Variants in ARID1A observed in about 807,000 individuals in gnomAD.
The protein encoded by ARID1A is AT-rich interactive domain-containing protein 1A.
In ARID1A, 20 loss-of-function variants were observed where a neutral mutation model predicts 212.6. The ratio of observed to expected loss-of-function variants is 0.09; its 90% confidence interval spans 0.07 to 0.14. The LOEUF (loss-of-function observed/expected upper bound fraction) is 0.14. Among genes scored for constraint, ARID1A ranks in the 10% least tolerant of loss-of-function variants. The pLI, the probability that ARID1A is intolerant of heterozygous loss-of-function variation, is 1.00. For synonymous variants in ARID1A, 1,376 were observed against 1,222.1 expected, an observed-to-expected ratio of 1.13 and a Z score of -2.63; for missense variants, 2,587 against 3,059.0, an observed-to-expected ratio of 0.85 and a Z score of 3.64.
At chr1:26,743,250 TTCTC>T (rs372211517) in intron 4 of ARID1A, among the ~76,000 whole-genome samples, 1 of 152,170 alleles carries the variant, frequency 6.6e-6, no homozygotes, top group Non-Finnish European at 1.5e-5. Context: ...GTATACCTGT[TTCTC>T]TCTCTTTCTG....
intron 8 of ARID1A, chr1:26,765,101 G>A (rs2081026872): frequency 6.6e-6 from 1 of 152,370 alleles, no homozygotes. Context: ...ACGAGGCTGA[G>A]GCAGAATGGC....
intron 7 of ARID1A, 46 bp downstream of exon 7, chr1:26,762,365 A>G (rs779309455): frequency 1.3e-6 from 2 of 1,578,322 alleles, no homozygotes; most frequent in Non-Finnish European, 1.7e-6. Context: ...GAGAGGAGAA[A>G]ACAGTTCCTT....
chr1:26,730,170 A>G (rs1282250942), intron 2 of ARID1A, among the ~76,000 whole-genome samples: 3 of 152,216 alleles, frequency 2.0e-5, no homozygotes, highest in Non-Finnish European at 4.4e-5. Context: ...GTGGCTGAAC[A>G]TGTAGGCACT....
intron 4 of ARID1A, among the ~76,000 whole-genome samples, chr1:26,743,767 G>A (rs1308072844): frequency 6.7e-6 from 1 of 148,802 alleles, no homozygotes; most frequent in African/African-American, 2.5e-5. Flanking sequence ...GGGAGGCAGA[G>A]GATGCAGTAC....
intron 19 of ARID1A, among the ~76,000 whole-genome samples, chr1:26,776,346 T>G (rs2081135757): frequency 4.6e-5 from 7 of 151,438 alleles, no homozygotes; most frequent in Admixed American, 4.6e-4. Flanking sequence ...CTATCACAGC[T>G]CACTGCAACT....
At chr1:26,708,781 G>A (rs1342872350) in intron 1 of ARID1A, among the ~76,000 whole-genome samples, 1 of 151,246 alleles carries the variant, frequency 6.6e-6, no homozygotes, top group South Asian at 2.1e-4. Context: ...TGCAAGCTCC[G>A]TCTCCTGGGT....
In ARID1A at chr1:26,775,344, G is replaced by A. The variant is rs1003482835; in HGVS notation, c.4993+124G>A. Reference sequence around the variant, plus strand: ...CAGTGTTGACTAAAATAGAACCAAAGAACTTTGGAAAAGGAAGAAATAAGC... The same window carrying A: ...CAGTGTTGACTAAAATAGAACCAAAAAACTTTGGAAAAGGAAGAAATAAGC... On this transcript the variant is annotated intron_variant, in intron 18 of 19. Transcript: ENST00000324856. 23 of 1,444,404 alleles carry A rather than the reference G, an allele frequency of 1.6e-5. No individual in the cohort carries two copies. In the African/African-American group the frequency reaches 2.3e-4, roughly 14 times the overall value. The allele number at this position is 1,444,404 out of a possible 1,614,324, so 89.5% of individuals were successfully genotyped here.
At position 26,775,093 on chromosome 1, in the gene ARID1A, C is replaced by G. The variant is rs144944633; in HGVS notation, c.4866C>G (p.Ala1622=). ...AGAAGGCAGGTCCCCCAGTACCTGC[C>G]TCGCACATAGCACCTGCCCCTGTGC... ...KMQKAGPPVP[A]SHIAPAPVQP... The change falls in exon 18 of 20, where the codon GCC becomes GCG. Residue 1622 remains alanine, a synonymous_variant. Coordinates refer to ENST00000324856, the MANE Select transcript of ARID1A (RefSeq NM_006015.6). The G allele has an allele frequency of 5.6e-5, 90 of 1,614,014 alleles. No individual in the cohort carries two copies. The highest frequency in any genetic ancestry group is 7.0e-5 in the Non-Finnish European group (83 of 1,180,026).
intron 3 of ARID1A, among the ~76,000 whole-genome samples, chr1:26,732,018 G>A (rs563736014): frequency 3.9e-5 from 6 of 152,088 alleles, no homozygotes; most frequent in Non-Finnish European, 8.8e-5. Flanking sequence ...TTCTGCTATC[G>A]CTCAAAATAC....
At chr1:26,778,811 T>C in intron 19 of ARID1A, 1 of 444,150 alleles carries the variant, frequency 2.3e-6, no homozygotes, top group Middle Eastern at 6.1e-4. Flanking sequence ...GAGATAGGCT[T>C]ACGTGAAGGT....
intron 19 of ARID1A, among the ~76,000 whole-genome samples, chr1:26,776,244 A>C (rs1402277797): frequency 6.7e-6 from 1 of 150,254 alleles, no homozygotes; most frequent in Admixed American, 6.6e-5. Flanking sequence ...CCTTAGATGT[A>C]GAGTGGATGG....
At chr1:26,761,531 A>G (rs780441854) in intron 6 of ARID1A, 58 bp downstream of exon 6, 36 of 1,537,050 alleles carry the variant, frequency 2.3e-5, no homozygotes, top group Non-Finnish European at 2.9e-5. Context: ...TGAGTGCCCT[A>G]TGCAGTAGCT....
In ARID1A at chr1:26,772,507, A is replaced by T. The variant is rs2124103767; in HGVS notation, c.3414A>T (p.Ser1138=). The T allele has an allele frequency of 6.2e-7, 1 of 1,614,244 alleles. No individual in the cohort carries two copies. Among genetic ancestry groups the T allele is most frequent in the Non-Finnish European group, 8.5e-7 (1 of 1,180,036 alleles). Reference sequence around the variant, plus strand: ...TTGTATCTCTGTCCACAGCGGGATCAGGATCTATGCAGGGGCCCCAGACTC... The same window carrying T: ...TTGTATCTCTGTCCACAGCGGGATCTGGATCTATGCAGGGGCCCCAGACTC... ...PKIQPPSPAG[S]GSMQGPQTPQ... is the part of the protein sequence containing the mutation. The change falls in exon 13 of 20, where the codon TCA becomes TCT. Residue 1138 remains serine, a synonymous_variant. Transcript: ENST00000324856.
rs770351786 is a variant in ARID1A at position 26,696,946 on chromosome 1, G to A, written c.543G>A (p.Leu181=). The change falls in exon 1 of 20, where the codon CTG becomes CTA. Residue 181 remains leucine, a synonymous_variant. Coordinates refer to ENST00000324856, the MANE Select transcript of ARID1A (RefSeq NM_006015.6). ...QQHGGQQSPG[L]AALQSGGGGG... is the part of the protein sequence containing the mutation. ...ATGGCGGACAACAAAGCCCTGGCCTGGCAGCGCTGCAGAGCGGCGGCGGCG... is the reference window on the plus strand; with the variant it reads ...ATGGCGGACAACAAAGCCCTGGCCTAGCAGCGCTGCAGAGCGGCGGCGGCG... The A allele has an allele frequency of 2.1e-6, 3 of 1,457,022 alleles. No homozygotes were observed. The highest frequency in any genetic ancestry group is 1.8e-6 in the Non-Finnish European group (2 of 1,111,382). The allele number at this position is 1,457,022 out of a possible 1,614,324, so 90.3% of individuals were successfully genotyped here.
intron 1 of ARID1A, among the ~76,000 whole-genome samples, chr1:26,708,124 A>T (rs1340303521): frequency 6.6e-6 from 1 of 151,974 alleles, no homozygotes; most frequent in Non-Finnish European, 1.5e-5. Flanking sequence ...ATGAATGGCC[A>T]TGGCACTTGG....
intron 11 of ARID1A, chr1:26,769,035 C>G (rs1443955734): frequency 6.6e-6 from 1 of 152,196 alleles, no homozygotes; most frequent in Non-Finnish European, 1.5e-5. Context: ...CAAAGGAAAA[C>G]AAAACAAAAT....
chr1:26,731,721 TAA>T, intron 3 of ARID1A, 117 bp downstream of exon 3: 23 of 1,126,752 alleles, frequency 2.0e-5, no homozygotes, highest in Non-Finnish European at 2.8e-5. Flanking sequence ...AAAGACCAAT[TAA>T]ACTCTGGGTA....
rs972587229 is a variant in ARID1A at position 26,781,236 on chromosome 1, G to A, written c.*480G>A. ...ACTGCTGAACTGTGTGTGGTTTATT[G>A]TTGTACATTCACAATCTTGCAGGAG... On this transcript the variant is annotated 3_prime_UTR_variant, in exon 20 of 20. Transcript: ENST00000324856. 2.1e-5 allele frequency: 5 copies of A among 236,128 alleles called. No homozygotes were observed. Among genetic ancestry groups the A allele is most frequent in the African/African-American group, 1.1e-4 (5 of 45,104 alleles). The allele number at this position is 236,128 out of a possible 1,614,324, so 14.6% of individuals were successfully genotyped here. A position where few individuals can be genotyped will look rare whatever the true frequency, so the allele number is the denominator to read the frequency against.
intron 4 of ARID1A, among the ~76,000 whole-genome samples, chr1:26,755,547 A>G (rs779222673): frequency 6.6e-6 from 1 of 152,198 alleles, no homozygotes; most frequent in African/African-American, 2.4e-5. Context: ...TGCCAGCCAC[A>G]GATGCCTCCA....
Sources: allele counts gnomAD v4.1 joint callset (sites outside exome capture counted in the v4.1 genomes callset), GRCh38; gene constraint gnomAD v4.1.1; transcripts MANE v1.5; gene names NCBI Gene and HGNC (gene_info 2026-07-23, HGNC 2026-07-21).